The following NDOR1 variants were observed in gnomAD, a reference collection of about 807,000 sequenced individuals.
The protein encoded by NDOR1 is NADPH-dependent diflavin oxidoreductase 1.
In NDOR1, 61 loss-of-function variants were observed where a neutral mutation model predicts 67.2. That is an observed-to-expected ratio of 0.91 (90% CI 0.74 to 1.12). NDOR1 has a LOEUF of 1.12. Ranked by LOEUF, NDOR1 falls within the 50% of genes most tolerant of loss-of-function variation. NDOR1 has a pLI of 0.00. For missense variants in NDOR1, 878 were observed against 802.8 expected (o/e 1.09, Z -1.13); for synonymous variants, 378 against 343.7 (o/e 1.10, Z -1.10).
At chr9:137,214,508 A>G (rs566904031) in intron 6 of NDOR1, 62 bp from the exon 7 acceptor site, 198 of 1,609,216 alleles carry the variant, frequency 1.2e-4, no homozygotes, top group Admixed American at 1.2e-3. Flanking sequence ...GATGACTTCT[A>G]TCCGGGGCCC....
rs751408907 is a variant in NDOR1, at chr9:137,214,897, A to G, written c.944A>G (p.Glu315Gly). 5.0e-6 allele frequency: 8 copies of G among 1,612,454 alleles called. No homozygotes were observed. Among genetic ancestry groups the G allele is most frequent in the South Asian group, 4.4e-5 (4 of 91,092 alleles). ...IASVPRRSFF[E>G]LLACLSLHEL... ...AGCGTGCCTCGCCGCTCCTTCTTCG[A>G]ACTCCTGGCCTGTCTATCCCTCCAT... The change falls in exon 8 of 14, where the codon GAA becomes GGA. Residue 315 changes from glutamate (E) to glycine (G), a missense_variant. By Grantham distance (98) the Glu-to-Gly change is moderately conservative. Transcript: ENST00000684003.
chr9:137,218,518 T>C lies in NDOR1; in HGVS notation c.*2102T>C, dbSNP rs1238934128. 2 of 400,886 alleles carry C rather than the reference T, an allele frequency of 5.0e-6. No homozygotes were observed. The highest frequency in any genetic ancestry group is 7.1e-5 in the East Asian group (2 of 28,164). The allele number at this position is 400,886 out of a possible 1,614,324, so 24.8% of individuals were successfully genotyped here. Reference sequence around the variant, plus strand: ...TGGCGCTGCTGAGCCTGCTGGCCCTTGAGCTTCTGGGGCTGCTGCTGGTCT... The same window carrying C: ...TGGCGCTGCTGAGCCTGCTGGCCCTCGAGCTTCTGGGGCTGCTGCTGGTCT... On this transcript the variant is annotated 3_prime_UTR_variant, in exon 14 of 14. Coordinates refer to ENST00000684003, the MANE Select transcript of NDOR1 (RefSeq NM_014434.4).
At position 137,205,730 on chromosome 9, in the gene NDOR1, A is replaced by C. The variant is rs750877653; in HGVS notation, c.-48A>C. 6.3e-7 allele frequency: 1 copy of C among 1,597,522 alleles called. No homozygotes were observed. Among genetic ancestry groups the C allele is most frequent in the South Asian group, 1.1e-5 (1 of 91,026 alleles). ...GGTCCCTGCAACCCGGCCGGCGGGA[A>C]CTGCCTTCTAGTTTTTAGTCTCAGA... On this transcript the variant is annotated 5_prime_UTR_variant, in exon 1 of 14. Coordinates refer to ENST00000684003, the MANE Select transcript of NDOR1 (RefSeq NM_014434.4).
intron 2 of NDOR1, among the ~76,000 whole-genome samples, chr9:137,211,632 G>T (rs1028056680): frequency 6.6e-6 from 1 of 152,300 alleles, no homozygotes; most frequent in East Asian, 1.9e-4. Context: ...GGAGGGTCTC[G>T]GGGGCAAGAG....
At chr9:137,210,345 C>T (rs903628168) in intron 2 of NDOR1, among the ~76,000 whole-genome samples, 2 of 152,176 alleles carry the variant, frequency 1.3e-5, no homozygotes, top group African/African-American at 2.4e-5. Context: ...ACCTCAGCCT[C>T]CTGGGTAGCA....
In NDOR1 at chr9:137,214,402, C is replaced by T; in HGVS notation, c.711C>T (p.Gly237=). The change falls in exon 6 of 14, where the codon GGC becomes GGT. Residue 237 remains glycine, a synonymous_variant. Transcript: ENST00000684003. The stretch of plus-strand genomic sequence containing the variant: ...GGCTGATTGAGTTTGACATCTTGGG[C>T]TCTGGCATCAGGTGGGGACTGCTGG... ...DVRLIEFDIL[G]SGISFAAGDV... is the part of the protein sequence containing the mutation. 6.2e-7 allele frequency: 1 copy of T among 1,614,116 alleles called. No homozygotes were observed. The highest frequency in any genetic ancestry group is 1.7e-5 in the Admixed American group (1 of 60,016).
chr9:137,213,700 C>A, intron 3 of NDOR1, 80 bp from the exon 4 acceptor site: 1 of 1,400,890 alleles, frequency 7.1e-7, no homozygotes, highest in Non-Finnish European at 9.8e-7. Context: ...GCCCGGGCTC[C>A]ACTCTCCCGG....
intron 2 of NDOR1, among the ~76,000 whole-genome samples, chr9:137,208,559 G>A (rs1469641127): frequency 2.6e-5 from 4 of 152,222 alleles, no homozygotes; most frequent in African/African-American, 7.2e-5. Flanking sequence ...GACGTTTGCC[G>A]GGCACAGTGG....
intron 9 of NDOR1, 71 bp from the exon 10 acceptor site, chr9:137,215,336 G>T (rs1488080831): frequency 1.3e-6 from 2 of 1,559,576 alleles, no homozygotes; most frequent in East Asian, 4.5e-5. Context: ...CGGGAGGTAG[G>T]TGGGGCCCAC....
At chr9:137,207,816 A>G (rs1436924931) in intron 2 of NDOR1, among the ~76,000 whole-genome samples, 1 of 152,218 alleles carries the variant, frequency 6.6e-6, no homozygotes, top group Admixed American at 6.5e-5. Context: ...GAGATCAGCA[A>G]CTGAGAGAGT....
chr9:137,213,127 G>A (rs1835341554), intron 3 of NDOR1, among the ~76,000 whole-genome samples: 1 of 151,798 alleles, frequency 6.6e-6, no homozygotes, highest in Admixed American at 6.6e-5. Flanking sequence ...ATAGCCAGGT[G>A]TCAGTCATTT....
chr9:137,209,797 G>C (rs1695958994), intron 2 of NDOR1, among the ~76,000 whole-genome samples: 1 of 152,254 alleles, frequency 6.6e-6, no homozygotes, highest in African/African-American at 2.4e-5. Flanking sequence ...GTCTGGTGAA[G>C]AAACCCATGG....
rs958691926 is a variant in NDOR1 at position 137,216,760 on chromosome 9, C to T, written c.*344C>T. Reference sequence around the variant, plus strand: ...ACGGCATCAGCAGCCCAGTGAGCACCAGGGGTGGCATAGGGCACCCATGAG... The same window carrying T: ...ACGGCATCAGCAGCCCAGTGAGCACTAGGGGTGGCATAGGGCACCCATGAG... On this transcript the variant is annotated 3_prime_UTR_variant, in exon 14 of 14. Coordinates refer to ENST00000684003, the MANE Select transcript of NDOR1 (RefSeq NM_014434.4). The T allele has an allele frequency of 5.8e-6, 2 of 346,764 alleles. No homozygotes were observed. The highest frequency in any genetic ancestry group is 9.0e-4 in the Middle Eastern group (1 of 1,114). The allele number at this position is 346,764 out of a possible 1,614,324, so 21.5% of individuals were successfully genotyped here.
At position 137,214,373 on chromosome 9, in the gene NDOR1, G is replaced by C. The variant is rs200360060; in HGVS notation, c.682G>C (p.Val228Leu). Residue 228 changes from valine to leucine, a missense_variant, in exon 6 of 14, where the codon GTT (valine) becomes CTT (leucine). Physicochemically the swap from Val to Leu is conservative, Grantham distance 32 (BLOSUM62 1). Transcript: ENST00000684003. ...RVTGPSHFQD[V>L]RLIEFDILGS... is the part of the protein sequence containing the mutation. ...CACCGGCCCCTCCCACTTCCAGGACGTTCGGCTGATTGAGTTTGACATCTT... is the reference window on the plus strand; with the variant it reads ...CACCGGCCCCTCCCACTTCCAGGACCTTCGGCTGATTGAGTTTGACATCTT... 53 of 1,614,034 alleles carry C rather than the reference G, an allele frequency of 3.3e-5. No individual in the cohort carries two copies. Among genetic ancestry groups the C allele is most frequent in the Non-Finnish European group, 4.3e-5 (51 of 1,180,038 alleles).
Position 137,216,203 on chromosome 9 carries a change from G to T in NDOR1, c.1649+15G>T. Reference sequence around the variant, plus strand: ...TACCTGGCAGGGTGAGCTGGCCTGCGTGCAGCAGGAGTGGGCCCAGCCCCT... The same window carrying T: ...TACCTGGCAGGGTGAGCTGGCCTGCTTGCAGCAGGAGTGGGCCCAGCCCCT... On this transcript the variant is annotated intron_variant, in intron 13 of 13. Coordinates refer to ENST00000684003, the MANE Select transcript of NDOR1 (RefSeq NM_014434.4). 1 of 1,613,262 alleles carries T rather than the reference G, an allele frequency of 6.2e-7. No homozygotes were observed. Among genetic ancestry groups the T allele is most frequent in the Non-Finnish European group, 8.5e-7 (1 of 1,179,992 alleles).
In NDOR1 at chr9:137,214,072, A is replaced by G; in HGVS notation, c.512+4A>G. On this transcript the variant is annotated splice_donor_region_variant and intron_variant, in intron 5 of 13. Transcript: ENST00000684003. Reference sequence around the variant, plus strand: ...CTGAGATCCCTCCCGGAGTCCCGTGAGTGTGGGCCCCGGGTCACCCACAGG... The same window carrying G: ...CTGAGATCCCTCCCGGAGTCCCGTGGGTGTGGGCCCCGGGTCACCCACAGG... 1 of 1,538,088 alleles carries G rather than the reference A, an allele frequency of 6.5e-7. No homozygotes were observed. Among genetic ancestry groups the G allele is most frequent in the Non-Finnish European group, 8.7e-7 (1 of 1,145,676 alleles).
Position 137,216,033 on chromosome 9 carries a change from G to A in NDOR1, c.1554+16G>A, listed in dbSNP as rs1271557726. ...CCGGGAACAGGTGTGTATGCTCAGGGGCTGGGAAAGGAGGGGAGGGAGCTC... is the reference window on the plus strand; with the variant it reads ...CCGGGAACAGGTGTGTATGCTCAGGAGCTGGGAAAGGAGGGGAGGGAGCTC... On this transcript the variant is annotated intron_variant, in intron 12 of 13. Transcript: ENST00000684003. 6.2e-7 allele frequency: 1 copy of A among 1,613,432 alleles called. No individual in the cohort carries two copies. Among genetic ancestry groups the A allele is most frequent in the Non-Finnish European group, 8.5e-7 (1 of 1,179,958 alleles).
At chr9:137,208,434 G>A (rs34983547) in intron 2 of NDOR1, among the ~76,000 whole-genome samples, 23,540 of 151,910 alleles carry the variant, frequency 0.15, 1,931 homozygotes, top group Middle Eastern at 0.25. Flanking sequence ...CTGGGCGACA[G>A]AGCGAGACTC....
chr9:137,215,347 G>T (rs1005252847), intron 9 of NDOR1, 60 bp from the exon 10 acceptor site: 3 of 1,575,704 alleles, frequency 1.9e-6, no homozygotes, highest in Admixed American at 1.7e-5. Flanking sequence ...TGGGGCCCAC[G>T]GCCCAGGCAC....
Sources: allele counts gnomAD v4.1 joint callset (sites outside exome capture counted in the v4.1 genomes callset), GRCh38; gene constraint gnomAD v4.1.1; transcripts MANE v1.5; gene names NCBI Gene and HGNC (gene_info 2026-07-23, HGNC 2026-07-21).